Variants in MYO6 observed in about 807,000 individuals in gnomAD.
MYO6 encodes the protein myosin VI.
In MYO6, 74 loss-of-function variants were observed where a neutral mutation model predicts 178.7. That is an observed-to-expected ratio of 0.41 (90% CI 0.34 to 0.50). The LOEUF (loss-of-function observed/expected upper bound fraction) is 0.50, where lower values mean the gene tolerates loss of function less well. MYO6 is among the 20% of genes least tolerant of loss of function. The pLI is 0.09. For synonymous variants in MYO6, 477 were observed against 504.6 expected (o/e 0.95, Z 0.73); for missense variants, 1,330 against 1,547.4 (o/e 0.86, Z 2.36).
chr6:75,818,141 A>T (rs1771474584), intron 2 of MYO6, among the ~76,000 whole-genome samples: 1 of 152,134 alleles, frequency 6.6e-6, no homozygotes, highest in Admixed American at 6.6e-5. Flanking sequence ...TGTTCACTTA[A>T]AATTATTGCT....
chr6:75,904,622 C>T lies in MYO6; in HGVS notation c.3177-2983C>T, dbSNP rs557270072. On this transcript the variant is annotated intron_variant, in intron 30 of 34. Coordinates refer to ENST00000369977, the MANE Select transcript of MYO6 (RefSeq NM_004999.4). ...CTCTGTATTGGTTATTCTAGTTATACGTTCTTCTAAATTTTTTTCAAAGTT... is the reference window on the plus strand; with the variant it reads ...CTCTGTATTGGTTATTCTAGTTATATGTTCTTCTAAATTTTTTTCAAAGTT... 1.6e-4 allele frequency among the ~76,000 whole-genome samples: 25 copies of T among 152,242 alleles called. No individual in the cohort carries two copies. The East Asian group carries it at 4.2e-3, about 26-fold the overall frequency.
At chr6:75,852,807 G>A (rs1047541380) in intron 11 of MYO6, among the ~76,000 whole-genome samples, 23 of 152,240 alleles carry the variant, frequency 1.5e-4, no homozygotes, top group African/African-American at 4.8e-4. Context: ...TGCTGAGAAC[G>A]TTTGTGTACA....
intron 32 of MYO6, among the ~76,000 whole-genome samples, chr6:75,908,850 T>C (rs1454939702): frequency 6.6e-6 from 1 of 152,126 alleles, no homozygotes; most frequent in Admixed American, 6.6e-5. Context: ...TTTACTATAA[T>C]TGAGACAAGA....
chr6:75,904,423 GTTTCT>G (rs1199061449), intron 30 of MYO6, among the ~76,000 whole-genome samples: 2 of 129,300 alleles, frequency 1.5e-5, no homozygotes, highest in Non-Finnish European at 3.5e-5. Flanking sequence ...GTCTTTGTTC[GTTTCT>G]TTTTATTCTT....
At chr6:75,795,477 T>A (rs1038586526) in intron 1 of MYO6, among the ~76,000 whole-genome samples, 1 of 152,192 alleles carries the variant, frequency 6.6e-6, no homozygotes, top group Non-Finnish European at 1.5e-5. Context: ...TTGAGTAACT[T>A]TTTAAGTGCC....
At chr6:75,889,929 AC>A in intron 25 of MYO6, 127 bp from the exon 26 acceptor site, 3 of 748,232 alleles carry the variant, frequency 4.0e-6, no homozygotes, top group Admixed American at 5.6e-5. Flanking sequence ...ATTGTAAAAA[AC>A]AATAAAAACA....
intron 1 of MYO6, among the ~76,000 whole-genome samples, chr6:75,811,494 A>C (rs562193959): frequency 6.6e-6 from 1 of 152,310 alleles, no homozygotes; most frequent in East Asian, 1.9e-4. Flanking sequence ...GAGCAATGTT[A>C]GCTGTGTGTG....
intron 18 of MYO6, among the ~76,000 whole-genome samples, chr6:75,869,332 A>G (rs1438245744): frequency 1.3e-5 from 2 of 152,134 alleles, no homozygotes; most frequent in African/African-American, 4.8e-5. Flanking sequence ...CTGTAATAGT[A>G]TCACTCACAG....
At chr6:75,894,270 T>C (rs1451270178) in intron 28 of MYO6, among the ~76,000 whole-genome samples, 1 of 152,250 alleles carries the variant, frequency 6.6e-6, no homozygotes, top group Non-Finnish European at 1.5e-5. Flanking sequence ...GTGGATCGTT[T>C]AGGACCTTTA....
chr6:75,799,661 C>G (rs1769240816), intron 1 of MYO6, among the ~76,000 whole-genome samples: 1 of 151,912 alleles, frequency 6.6e-6, no homozygotes, highest in African/African-American at 2.4e-5. Flanking sequence ...TGTGTGTAGC[C>G]TAGAGTTTGA....
chr6:75,788,490 C>T (rs888866423), intron 1 of MYO6, among the ~76,000 whole-genome samples: 17 of 152,226 alleles, frequency 1.1e-4, no homozygotes, highest in Non-Finnish European at 1.5e-5. Context: ...CCCACACACT[C>T]TTCCAGCAGA....
At chr6:75,824,564 A>G (rs2150191570) in intron 3 of MYO6, among the ~76,000 whole-genome samples, 1 of 152,006 alleles carries the variant, frequency 6.6e-6, no homozygotes, top group South Asian at 2.1e-4. Flanking sequence ...ACACACACAC[A>G]TGCACACACA....
chr6:75,866,537 A>C lies in MYO6; in HGVS notation c.1686A>C (p.Lys562Asn). ...GTATTGTTTTTCAGATTCCCAGAAA[A>C]TCTAAGCTGGCAGTTCATAGGAATA... ...KDHFRLTIPR[K>N]SKLAVHRNIR... The change falls in exon 17 of 35, where the codon AAA becomes AAC. Residue 562 changes from lysine (K) to asparagine (N), a missense_variant. Lys to Asn is a moderately conservative substitution (Grantham distance 94, BLOSUM62 0). Coordinates refer to ENST00000369977, the MANE Select transcript of MYO6 (RefSeq NM_004999.4). 1 of 1,613,530 alleles carries C rather than the reference A, an allele frequency of 6.2e-7. No individual in the cohort carries two copies. Among genetic ancestry groups the C allele is most frequent in the Non-Finnish European group, 8.5e-7 (1 of 1,179,470 alleles).
chr6:75,843,714 T>C (rs1041373558), intron 9 of MYO6, among the ~76,000 whole-genome samples: 3 of 151,990 alleles, frequency 2.0e-5, no homozygotes, highest in African/African-American at 7.2e-5. Flanking sequence ...ACCAACATTG[T>C]CCCTGCTCCC....
chr6:75,794,483 C>T (rs1768573174), intron 1 of MYO6, among the ~76,000 whole-genome samples: 1 of 152,070 alleles, frequency 6.6e-6, no homozygotes, highest in Non-Finnish European at 1.5e-5. Flanking sequence ...GTTCTGGATG[C>T]TAAAATATAT....
At chr6:75,813,518 C>T (rs768809377) in intron 1 of MYO6, among the ~76,000 whole-genome samples, 5 of 152,170 alleles carry the variant, frequency 3.3e-5, no homozygotes, top group Non-Finnish European at 7.3e-5. Flanking sequence ...GCTTGGTGCT[C>T]GTTAACCCAC....
chr6:75,855,065 A>G (rs1207471445), intron 11 of MYO6, 74 bp from the exon 12 acceptor site: 1 of 1,322,168 alleles, frequency 7.6e-7, no homozygotes, highest in Non-Finnish European at 1.1e-6. Flanking sequence ...GTGAAGTATA[A>G]TTCTAAGAAA....
chr6:75,900,695 A>C (rs1407054537), intron 30 of MYO6, among the ~76,000 whole-genome samples: 5 of 152,222 alleles, frequency 3.3e-5, no homozygotes, highest in East Asian at 3.9e-4. Context: ...CCTGTTCACT[A>C]GGATGGTAGT....
intron 3 of MYO6, among the ~76,000 whole-genome samples, chr6:75,823,129 TA>T (rs1302031364): frequency 6.6e-6 from 1 of 152,236 alleles, no homozygotes; most frequent in Admixed American, 6.5e-5. Context: ...AGTCTCTTGT[TA>T]ACAGTTTTGA....
Sources: allele counts gnomAD v4.1 joint callset (sites outside exome capture counted in the v4.1 genomes callset), GRCh38; gene constraint gnomAD v4.1.1; transcripts MANE v1.5; gene names NCBI Gene and HGNC (gene_info 2026-07-23, HGNC 2026-07-21).